The following ASPRV1 variants were observed in gnomAD, a reference collection of about 807,000 sequenced individuals.
ASPRV1 encodes retroviral-like aspartic protease 1.
In ASPRV1, 7 loss-of-function variants were observed where a neutral mutation model predicts 11.0. That is an observed-to-expected ratio of 0.64 (90% CI 0.36 to 1.20). The LOEUF is 1.20. Ranked by LOEUF, ASPRV1 falls within the 50% of genes most tolerant of loss-of-function variation. The pLI, the probability that ASPRV1 is intolerant of heterozygous loss-of-function variation, is 0.02. For synonymous variants in ASPRV1, 136 were observed against 138.4 expected (o/e 0.98, Z 0.12); for missense variants, 299 against 320.0 (o/e 0.93, Z 0.50).
At chr2:70,049,929 T>A in the ASPRV1 span, 15 of 152,150 alleles carry the variant, frequency 9.9e-5, no homozygotes, top group African/African-American at 3.6e-4. Context: ...GAGAACAGAT[T>A]AAAGGTTCTT....
the ASPRV1 span, among the ~76,000 whole-genome samples, chr2:69,973,387 T>G: frequency 6.7e-6 from 1 of 148,794 alleles, no homozygotes; most frequent in Non-Finnish European, 1.5e-5. Context: ...TCACTTGTTG[T>G]TTTTTTTTTA....
chr2:70,086,619 G>A, the ASPRV1 span: 1 of 152,276 alleles, frequency 6.6e-6, no homozygotes, highest in East Asian at 1.9e-4. Flanking sequence ...CTGAAGCCCT[G>A]GCCGGCAGCC....
chr2:70,005,124 ATCGCAGC>A, the ASPRV1 span, among the ~76,000 whole-genome samples: 1 of 152,124 alleles, frequency 6.6e-6, no homozygotes, highest in Admixed American at 6.5e-5. Flanking sequence ...TGCAGTGGCA[ATCGCAGC>A]TCATTGCAGC....
chr2:69,967,520 A>G, the ASPRV1 span, among the ~76,000 whole-genome samples: 1 of 152,148 alleles, frequency 6.6e-6, no homozygotes, highest in Admixed American at 6.5e-5. Flanking sequence ...AGGCCCTGAG[A>G]ATGAGTTAGT....
chr2:70,049,057 C>T, the ASPRV1 span: 2 of 149,926 alleles, frequency 1.3e-5, no homozygotes, highest in African/African-American at 4.9e-5. Flanking sequence ...TATTATTATA[C>T]TTTAAGTTTT....
chr2:70,062,319 T>C, the ASPRV1 span, among the ~76,000 whole-genome samples: 3 of 151,862 alleles, frequency 2.0e-5, no homozygotes, highest in Non-Finnish European at 2.9e-5. Flanking sequence ...AAAATACATA[T>C]ATATATGATC....
At chr2:70,045,056 T>C in the ASPRV1 span, among the ~76,000 whole-genome samples, 1 of 152,192 alleles carries the variant, frequency 6.6e-6, no homozygotes, top group Non-Finnish European at 1.5e-5. Flanking sequence ...TGCTGCAGCA[T>C]CTCTATATAT....
the ASPRV1 span, among the ~76,000 whole-genome samples, chr2:70,074,319 T>A: frequency 6.7e-6 from 1 of 150,240 alleles, no homozygotes; most frequent in South Asian, 2.1e-4. Flanking sequence ...GACAGAGTCT[T>A]GCTCTGTCGC....
At chr2:70,037,325 T>TA in the ASPRV1 span, among the ~76,000 whole-genome samples, 3 of 152,136 alleles carry the variant, frequency 2.0e-5, no homozygotes, top group Admixed American at 6.6e-5. Flanking sequence ...CTCAACTTCC[T>TA]AAAGTGCTGG....
the ASPRV1 span, among the ~76,000 whole-genome samples, chr2:70,051,693 G>C: frequency 6.6e-6 from 1 of 152,172 alleles, no homozygotes; most frequent in African/African-American, 2.4e-5. Context: ...AGAAAAAAGG[G>C]TCAGGTGTGG....
At chr2:70,032,008 A>G in the ASPRV1 span, 1 of 152,192 alleles carries the variant, frequency 6.6e-6, no homozygotes, top group Non-Finnish European at 1.5e-5. Context: ...ATTTGGAACC[A>G]TGCCCACGTC....
the ASPRV1 span, among the ~76,000 whole-genome samples, chr2:69,973,198 T>C: frequency 1.3e-5 from 2 of 152,364 alleles, no homozygotes; most frequent in East Asian, 1.9e-4. Flanking sequence ...GTAAATTGCA[T>C]ATGGCCAGTT....
the ASPRV1 span, among the ~76,000 whole-genome samples, chr2:70,080,264 T>C: frequency 6.6e-6 from 1 of 151,842 alleles, no homozygotes; most frequent in Non-Finnish European, 1.5e-5. Context: ...TTCACTCTTG[T>C]TGCCTGGGCT....
chr2:70,075,083 C>A, the ASPRV1 span: 1 of 150,084 alleles, frequency 6.7e-6, no homozygotes, highest in South Asian at 2.1e-4. Flanking sequence ...CGCCCCTGCA[C>A]TCCAGCCTGG....
At chr2:70,075,951 G>A in the ASPRV1 span, among the ~76,000 whole-genome samples, 446 of 152,214 alleles carry the variant, frequency 2.9e-3, 5 homozygotes, top group African/African-American at 0.01. Flanking sequence ...AAGAGAGGCC[G>A]GACAAGCTCT....
chr2:70,024,166 G>T, the ASPRV1 span, among the ~76,000 whole-genome samples: 2 of 150,050 alleles, frequency 1.3e-5, no homozygotes, highest in Non-Finnish European at 3.0e-5. Context: ...TTAAAATATA[G>T]TAAGACTATG....
chr2:69,993,519 C>G, the ASPRV1 span: 1 of 152,180 alleles, frequency 6.6e-6, no homozygotes, highest in East Asian at 1.9e-4. Flanking sequence ...TCACAGTGAC[C>G]TTGGTCTCCA....
the ASPRV1 span, among the ~76,000 whole-genome samples, chr2:69,933,350 A>G: frequency 6.6e-6 from 1 of 152,044 alleles, no homozygotes; most frequent in Non-Finnish European, 1.5e-5. Context: ...TTTGAAGAAT[A>G]TTATCCAAGA....
chr2:70,085,769 G>A, the ASPRV1 span: 1 of 152,254 alleles, frequency 6.6e-6, no homozygotes, highest in African/African-American at 2.4e-5. Context: ...GTCCCTTCTA[G>A]ACTAAAAATG....
Sources: gnomAD v4.1 joint callset for allele counts (sites outside exome capture counted in the v4.1 genomes callset) on GRCh38, gnomAD v4.1.1 for gene constraint, MANE v1.5 for transcripts, NCBI Gene and HGNC (gene_info 2026-07-23, HGNC 2026-07-21) for gene names.